Variants in SUGCT observed in about 807,000 individuals in gnomAD.
SUGCT encodes succinyl-CoA:glutarate-CoA transferase, also known as succinyl-CoA:glutarate CoA-transferase.
In SUGCT, 41 loss-of-function variants were observed where a neutral mutation model predicts 55.0. The ratio of observed to expected loss-of-function variants is 0.74; its 90% confidence interval spans 0.58 to 0.97. The LOEUF is 0.97. Among genes scored for constraint, SUGCT ranks in the 50% least tolerant of loss-of-function variants. The probability of loss-of-function intolerance (pLI) is 0.00; values close to 1 mark genes in which losing one functional copy is unlikely to be tolerated. For missense variants in SUGCT, 568 were observed against 547.8 expected (o/e 1.04, Z -0.37); for synonymous variants, 187 against 200.4 (o/e 0.93, Z 0.56).
chr7:40,161,145 TG>T (rs1255483297), intron 1 of SUGCT, among the ~76,000 whole-genome samples: 1 of 152,190 alleles, frequency 6.6e-6, no homozygotes, highest in Non-Finnish European at 1.5e-5. Context: ...GAGAAGTCTC[TG>T]GGAGGATACC....
At chr7:40,286,394 A>C (rs990775478) in intron 8 of SUGCT, among the ~76,000 whole-genome samples, 1 of 152,080 alleles carries the variant, frequency 6.6e-6, no homozygotes, top group Non-Finnish European at 1.5e-5. Context: ...CCTTTTTTTA[A>C]GTTTCATTAG....
At chr7:41,001,813 G>T in the SUGCT span, among the ~76,000 whole-genome samples, 1 of 152,158 alleles carries the variant, frequency 6.6e-6, no homozygotes, top group Admixed American at 6.5e-5. Context: ...TACATTTTCG[G>T]AGGACACAAA....
chr7:40,327,103 A>G (rs182186081), intron 9 of SUGCT, among the ~76,000 whole-genome samples: 6 of 152,328 alleles, frequency 3.9e-5, no homozygotes, highest in Admixed American at 2.0e-4. Context: ...AGAATATTCA[A>G]AAGTTGGTTT....
At chr7:40,945,970 G>A in the SUGCT span, among the ~76,000 whole-genome samples, 3 of 152,282 alleles carry the variant, frequency 2.0e-5, no homozygotes, top group South Asian at 4.1e-4. Flanking sequence ...GAATCTGTGA[G>A]ATACCTTGGT....
chr7:40,899,394 C>G, the SUGCT span, among the ~76,000 whole-genome samples: 2 of 152,306 alleles, frequency 1.3e-5, no homozygotes, highest in Admixed American at 1.3e-4. Flanking sequence ...CGTGATGGAA[C>G]GCAGGCTGCG....
intron 9 of SUGCT, among the ~76,000 whole-genome samples, chr7:40,335,968 AT>A (rs1279517690): frequency 1.3e-5 from 2 of 152,154 alleles, no homozygotes; most frequent in Non-Finnish European, 2.9e-5. Context: ...GGGCTGTTGA[AT>A]TTTGTCGAAG....
intron 9 of SUGCT, among the ~76,000 whole-genome samples, chr7:40,402,242 A>G (rs1401943655): frequency 2.6e-5 from 4 of 152,098 alleles, no homozygotes; most frequent in Admixed American, 1.3e-4. Flanking sequence ...GCATTCTGTA[A>G]TTCTGTCCCC....
chr7:40,575,244 G>C (rs1796675766), intron 12 of SUGCT, among the ~76,000 whole-genome samples: 1 of 151,984 alleles, frequency 6.6e-6, no homozygotes, highest in African/African-American at 2.4e-5. Flanking sequence ...TTTTAAAGAA[G>C]AGGACTTAGG....
chr7:40,976,012 C>T, the SUGCT span, among the ~76,000 whole-genome samples: 1 of 152,184 alleles, frequency 6.6e-6, no homozygotes, highest in African/African-American at 2.4e-5. Context: ...AAACCAGGAT[C>T]AGATATCCCT....
the SUGCT span, among the ~76,000 whole-genome samples, chr7:40,890,812 A>G: frequency 1.3e-5 from 2 of 152,222 alleles, no homozygotes; most frequent in Non-Finnish European, 2.9e-5. Context: ...AGTACCAGTA[A>G]TCTAAAGAAA....
At chr7:40,585,623 C>G (rs1200568572) in intron 12 of SUGCT, among the ~76,000 whole-genome samples, 1 of 152,178 alleles carries the variant, frequency 6.6e-6, no homozygotes, top group African/African-American at 2.4e-5. Flanking sequence ...TCTTACCCCA[C>G]TTGGCCTCCT....
At chr7:40,274,409 A>T in intron 7 of SUGCT, 104 bp from the exon 8 acceptor site, 1 of 1,244,278 alleles carries the variant, frequency 8.0e-7, no homozygotes, top group South Asian at 1.5e-5. Context: ...CTGCACAGTT[A>T]ATAGACAATT....
chr7:40,249,937 C>T (rs939362827), intron 7 of SUGCT, among the ~76,000 whole-genome samples: 1 of 152,118 alleles, frequency 6.6e-6, no homozygotes, highest in Non-Finnish European at 1.5e-5. Context: ...CAGGCGTGCA[C>T]CACCATGCGT....
chr7:40,408,491 TA>T (rs1482918060), intron 9 of SUGCT, among the ~76,000 whole-genome samples: 1 of 152,174 alleles, frequency 6.6e-6, no homozygotes, highest in Non-Finnish European at 1.5e-5. Flanking sequence ...CCCAACTGTC[TA>T]AGAATATTTT....
chr7:40,286,785 G>C (rs1030479853), intron 8 of SUGCT, among the ~76,000 whole-genome samples: 3 of 151,098 alleles, frequency 2.0e-5, no homozygotes, highest in Admixed American at 6.6e-5. Context: ...CCTATAGTTA[G>C]TAGGTCCATT....
chr7:40,174,274 C>T (rs764172823), intron 1 of SUGCT, among the ~76,000 whole-genome samples: 4 of 152,066 alleles, frequency 2.6e-5, no homozygotes, highest in Admixed American at 6.5e-5. Context: ...CCTCTCACCT[C>T]GGCCTCCCAG....
chr7:40,314,322 C>G (rs1795312237), intron 8 of SUGCT, among the ~76,000 whole-genome samples: 1 of 152,184 alleles, frequency 6.6e-6, no homozygotes, highest in Non-Finnish European at 1.5e-5. Context: ...GTAGAAATAA[C>G]AAGCCTTTTG....
At chr7:40,883,847 C>G in the SUGCT span, among the ~76,000 whole-genome samples, 1 of 152,194 alleles carries the variant, frequency 6.6e-6, no homozygotes, top group Non-Finnish European at 1.5e-5. Context: ...CTACCTACTT[C>G]AGGGCATATC....
intron 1 of SUGCT, 62 bp downstream of exon 1, chr7:40,135,182 GC>G (rs1787612657): frequency 6.7e-7 from 1 of 1,494,814 alleles, no homozygotes; most frequent in Non-Finnish European, 9.0e-7. Flanking sequence ...GCCTCCTCGG[GC>G]GCCCTGAGGA....
Sources: allele counts gnomAD v4.1 joint callset (sites outside exome capture counted in the v4.1 genomes callset), GRCh38; gene constraint gnomAD v4.1.1; transcripts MANE v1.5; gene names NCBI Gene and HGNC (gene_info 2026-07-23, HGNC 2026-07-21).